PCDHGA7: variants seen among roughly 807,000 people sequenced by gnomAD.
PCDHGA7 encodes the protein protocadherin gamma subfamily A, 7.
In PCDHGA7, 44 loss-of-function variants were observed where a neutral mutation model predicts 58.3. The ratio of observed to expected loss-of-function variants is 0.75; its 90% confidence interval spans 0.59 to 0.97. PCDHGA7 has a LOEUF of 0.97. PCDHGA7 is among the 50% of genes least tolerant of loss of function. PCDHGA7 has a pLI of 0.00. For synonymous variants in PCDHGA7, 516 were observed against 504.2 expected (o/e 1.02, Z -0.31); for missense variants, 1,266 against 1,188.7 (o/e 1.06, Z -0.96).
intron 2 of PCDHGA7, among the ~76,000 whole-genome samples, chr5:141,503,780 T>G (rs779791247): frequency 7.2e-5 from 11 of 152,124 alleles, no homozygotes; most frequent in Non-Finnish European, 1.3e-4. Flanking sequence ...GTTCTTAGGC[T>G]GAGTTCATCT....
chr5:141,413,036 T>TGGGCTGCA, intron 1 of PCDHGA7: 1 of 805,900 alleles, frequency 1.2e-6, no homozygotes, highest in Non-Finnish European at 1.9e-6. Flanking sequence ...AACCGGCTGC[T>TGGGCTGCA]GGGCTGCAGG....
rs201378410 is a variant in PCDHGA7, at chr5:141,414,802, G to T, written c.2424+29479G>T. Reference sequence around the variant, plus strand: ...GCAGGTGACAGCCAGCGACAGCGGGGATCCTCCACTCAGCAGCAACGTGTC... The same window carrying T: ...GCAGGTGACAGCCAGCGACAGCGGGTATCCTCCACTCAGCAGCAACGTGTC... On this transcript the variant is annotated intron_variant, in intron 1 of 3. Coordinates refer to ENST00000518325, the MANE Select transcript of PCDHGA7 (RefSeq NM_018920.4). The T allele has an allele frequency of 4.3e-6, 7 of 1,614,226 alleles. No homozygotes were observed. The African/African-American group carries it at 8.0e-5, about 18-fold the overall frequency.
intron 1 of PCDHGA7, chr5:141,400,276 C>T: frequency 6.2e-7 from 1 of 1,614,048 alleles, no homozygotes; most frequent in Non-Finnish European, 8.5e-7. Flanking sequence ...CTCCTCCAGC[C>T]CTGCCGCCTG....
intron 3 of PCDHGA7, among the ~76,000 whole-genome samples, chr5:141,509,841 C>T (rs546036990): frequency 2.0e-5 from 3 of 152,326 alleles, no homozygotes; most frequent in African/African-American, 7.2e-5. Context: ...ACCTCCCATT[C>T]ACTCAGAACA....
Position 141,431,615 on chromosome 5 carries a change from G to A in PCDHGA7, c.2424+46292G>A. 1.2e-6 allele frequency: 2 copies of A among 1,614,236 alleles called. No homozygotes were observed. Among genetic ancestry groups the A allele is most frequent in the Non-Finnish European group, 1.7e-6 (2 of 1,180,042 alleles). ...GAGGTATTCCTTCCGGTATGTGGACGACAAGGCGGCCCAAGTTTTCAAACT... is the reference window on the plus strand; with the variant it reads ...GAGGTATTCCTTCCGGTATGTGGACAACAAGGCGGCCCAAGTTTTCAAACT... On this transcript the variant is annotated intron_variant, in intron 1 of 3. Coordinates refer to ENST00000518325, the MANE Select transcript of PCDHGA7 (RefSeq NM_018920.4). The surrounding 1 kb of genome is among the most constrained non-coding windows in gnomAD (Gnocchi z 4.8).
intron 1 of PCDHGA7, among the ~76,000 whole-genome samples, chr5:141,461,978 C>T (rs888687367): frequency 2.6e-5 from 4 of 152,216 alleles, no homozygotes; most frequent in African/African-American, 9.6e-5. Flanking sequence ...CATATGCCAC[C>T]ACGCCAGGCT....
At chr5:141,419,504 C>A in intron 1 of PCDHGA7, 1 of 1,612,298 alleles carries the variant, frequency 6.2e-7, no homozygotes, top group Non-Finnish European at 8.5e-7. Flanking sequence ...TGTGAGCCTG[C>A]GCGTGTTGGT....
rs779191558 is a variant in PCDHGA7 at position 141,491,465 on chromosome 5, A to G, written c.2425-3342A>G. On this transcript the variant is annotated intron_variant, in intron 1 of 3. Coordinates refer to ENST00000518325, the MANE Select transcript of PCDHGA7 (RefSeq NM_018920.4). This position sits in a 1 kb window ranked among gnomAD's most constrained non-coding sequence, Gnocchi z 6.9. The stretch of plus-strand genomic sequence containing the variant: ...CAGGACTCACCCTCCCCGGACTTCT[A>G]TAAGCAGTCCAGCCCCAACCTGCAG... 1.2e-6 allele frequency: 2 copies of G among 1,613,974 alleles called. No homozygotes were observed. The highest frequency in any genetic ancestry group is 1.1e-5 in the South Asian group (1 of 91,084).
At position 141,431,982 on chromosome 5, in the gene PCDHGA7, T is replaced by G. The variant is rs2097433926; in HGVS notation, c.2424+46659T>G. The G allele has an allele frequency of 6.2e-7, 1 of 1,614,212 alleles. No homozygotes were observed. Among genetic ancestry groups the G allele is most frequent in the African/African-American group, 1.3e-5 (1 of 75,056 alleles). ...AATTACTATAGTTTAGTCACAGACA[T>G]AGTCTTGGATAGGGAACAGGTTCCT... On this transcript the variant is annotated intron_variant, in intron 1 of 3. Transcript: ENST00000518325. The surrounding 1 kb of genome is among the most constrained non-coding windows in gnomAD (Gnocchi z 4.8).
chr5:141,476,224 G>T lies in PCDHGA7; in HGVS notation c.2425-18583G>T. 6.2e-7 allele frequency: 1 copy of T among 1,614,062 alleles called. No individual in the cohort carries two copies. The highest frequency in any genetic ancestry group is 1.1e-5 in the South Asian group (1 of 91,072). ...AGGCTTCCACGGTCATTCACTATGA[G>T]ATCCCGGAGGAAAGAGAGAAGGGTT... On this transcript the variant is annotated intron_variant, in intron 1 of 3. Transcript: ENST00000518325. This position sits in a 1 kb window ranked among gnomAD's most constrained non-coding sequence, Gnocchi z 7.6.
At chr5:141,418,066 C>T (rs777602456) in intron 1 of PCDHGA7, 1 of 1,613,980 alleles carries the variant, frequency 6.2e-7, no homozygotes, top group Non-Finnish European at 8.5e-7. Flanking sequence ...TGCGAGTGAG[C>T]GCGGAGAAGC....
In PCDHGA7 at chr5:141,413,182, G is replaced by C. The variant is rs752788034; in HGVS notation, c.2424+27859G>C. On this transcript the variant is annotated intron_variant, in intron 1 of 3. Transcript: ENST00000518325. ...ATTCTGTAACCAGACTACAATGGCCGCTCAAAGGAATCGCTCAAAGGAATC... is the reference window on the plus strand; with the variant it reads ...ATTCTGTAACCAGACTACAATGGCCCCTCAAAGGAATCGCTCAAAGGAATC... 3.1e-6 allele frequency: 5 copies of C among 1,604,164 alleles called. No homozygotes were observed. In the South Asian group the frequency reaches 5.5e-5, roughly 18 times the overall value.
At chr5:141,397,395 C>G (rs1382237446) in intron 1 of PCDHGA7, among the ~76,000 whole-genome samples, 1 of 152,048 alleles carries the variant, frequency 6.6e-6, no homozygotes, top group Non-Finnish European at 1.5e-5. Flanking sequence ...ATTGCCACAA[C>G]TTTACAAAAT....
chr5:141,459,976 G>A (rs1013971472), intron 1 of PCDHGA7, among the ~76,000 whole-genome samples: 1 of 152,202 alleles, frequency 6.6e-6, no homozygotes, highest in Non-Finnish European at 1.5e-5. Flanking sequence ...TACTCAGGAG[G>A]CTGAGACAGG....
rs779718690 is a variant in PCDHGA7, at chr5:141,421,727, C to G, written c.2424+36404C>G. ...AGGGATCCAGATGTGGGCGTGAACT[C>G]CCTCCAGAGCTACCAGCTCAGCCCT... On this transcript the variant is annotated intron_variant, in intron 1 of 3. Coordinates refer to ENST00000518325, the MANE Select transcript of PCDHGA7 (RefSeq NM_018920.4). The G allele has an allele frequency of 1.9e-6, 3 of 1,613,916 alleles. No individual in the cohort carries two copies. In the East Asian group the frequency reaches 6.7e-5, roughly 36 times the overall value.
chr5:141,404,764 C>T (rs371618979), intron 1 of PCDHGA7: 1 of 1,613,802 alleles, frequency 6.2e-7, no homozygotes, highest in Non-Finnish European at 8.5e-7. Context: ...ATGCTTGGCT[C>T]TCCTACCGCC....
intron 3 of PCDHGA7, among the ~76,000 whole-genome samples, chr5:141,509,265 C>G (rs1296179995): frequency 1.3e-5 from 2 of 152,138 alleles, no homozygotes; most frequent in African/African-American, 4.8e-5. Flanking sequence ...TTTAGTCACT[C>G]TCGCTACCCG....
rs767972748 is a variant in PCDHGA7, at chr5:141,384,906, C to G, written c.2007C>G (p.Pro669=). 3 of 1,613,882 alleles carry G rather than the reference C, an allele frequency of 1.9e-6. No homozygotes were observed. Among genetic ancestry groups the G allele is most frequent in the East Asian group, 4.5e-5 (2 of 44,888 alleles). ...CCGTGGCTGTGGCTGACAGCATCCCCGAAGTCTTGGCCGACCTGGGCAGCC... is the reference window on the plus strand; with the variant it reads ...CCGTGGCTGTGGCTGACAGCATCCCGGAAGTCTTGGCCGACCTGGGCAGCC... ...TLTVAVADSI[P]EVLADLGSLE... Residue 669 remains proline, a synonymous_variant, in exon 1 of 4, where the codon CCC becomes CCG. Coordinates refer to ENST00000518325, the MANE Select transcript of PCDHGA7 (RefSeq NM_018920.4).
rs570809952 is a variant in PCDHGA7 at position 141,463,609 on chromosome 5, C to T, written c.2425-31198C>T. 4.6e-5 allele frequency among the ~76,000 whole-genome samples: 7 copies of T among 151,964 alleles called. No homozygotes were observed. In the East Asian group the frequency reaches 9.7e-4, roughly 21 times the overall value. The stretch of plus-strand genomic sequence containing the variant: ...GACTACAGGTGCCTGCCACCATGCC[C>T]GGCTAATTTTTTGTATTTTGTTTAG... On this transcript the variant is annotated intron_variant, in intron 1 of 3. Coordinates refer to ENST00000518325, the MANE Select transcript of PCDHGA7 (RefSeq NM_018920.4).
Sources: gnomAD v4.1 joint callset for allele counts (sites outside exome capture counted in the v4.1 genomes callset) on GRCh38, gnomAD v4.1.1 for gene constraint, Gnocchi (gnomAD v3.1) non-coding constraint, MANE v1.5 for transcripts, NCBI Gene and HGNC (gene_info 2026-07-23, HGNC 2026-07-21) for gene names.